The following SLC12A6 variants were observed in gnomAD, a reference collection of about 807,000 sequenced individuals.
The protein encoded by SLC12A6 is K-Cl cotransporter 3.
In SLC12A6, 66 loss-of-function variants were observed where a neutral mutation model predicts 135.3. The observed-to-expected ratio is 0.49, with a 90% confidence interval of 0.40 to 0.60. The LOEUF (loss-of-function observed/expected upper bound fraction) is 0.60. Among genes scored for constraint, SLC12A6 ranks in the 20% least tolerant of loss-of-function variants. The probability of loss-of-function intolerance (pLI) is 0.00; values close to 1 mark genes in which losing one functional copy is unlikely to be tolerated. For synonymous variants in SLC12A6, 513 were observed against 508.8 expected (o/e 1.01, Z -0.11); for missense variants, 1,058 against 1,452.3 (o/e 0.73, Z 4.41).
At chr15:34,298,395 A>C (rs2141000953) in intron 2 of SLC12A6, among the ~76,000 whole-genome samples, 1 of 152,048 alleles carries the variant, frequency 6.6e-6, no homozygotes, top group South Asian at 2.1e-4. Context: ...GAACTGCTTG[A>C]ACCCGGGAGG....
At chr15:34,297,181 G>C (rs183247046) in intron 2 of SLC12A6, among the ~76,000 whole-genome samples, 1 of 152,144 alleles carries the variant, frequency 6.6e-6, no homozygotes, top group African/African-American at 2.4e-5. Flanking sequence ...GGCTTAGTCA[G>C]AGCCTAAGCT....
intron 2 of SLC12A6, among the ~76,000 whole-genome samples, chr15:34,310,199 G>GTATGTA (rs1888063377): frequency 6.7e-6 from 1 of 149,380 alleles, no homozygotes; most frequent in Non-Finnish European, 1.5e-5. Context: ...GTGTGTGTGT[G>GTATGTA]TGTGTGTGTC....
intron 2 of SLC12A6, among the ~76,000 whole-genome samples, chr15:34,286,512 T>C (rs1895089555): frequency 6.6e-6 from 1 of 151,586 alleles, no homozygotes. Context: ...AAAATTTCCC[T>C]GCCCGGGCAC....
At chr15:34,317,017 G>A (rs1888697904) in intron 2 of SLC12A6, among the ~76,000 whole-genome samples, 2 of 152,154 alleles carry the variant, frequency 1.3e-5, no homozygotes, top group African/African-American at 2.4e-5. Context: ...ATCACATTTG[G>A]GATTAAGTAA....
intron 2 of SLC12A6, among the ~76,000 whole-genome samples, chr15:34,276,418 G>T (rs982018644): frequency 6.6e-6 from 1 of 152,058 alleles, no homozygotes; most frequent in African/African-American, 2.4e-5. Flanking sequence ...TAAAATTCGT[G>T]GCAATAAGCC....
At chr15:34,241,692 C>A (rs1241516056) in intron 17 of SLC12A6, among the ~76,000 whole-genome samples, 1 of 152,144 alleles carries the variant, frequency 6.6e-6, no homozygotes, top group Non-Finnish European at 1.5e-5. Flanking sequence ...AAGTAAAGTT[C>A]AATGTGATCT....
intron 2 of SLC12A6, among the ~76,000 whole-genome samples, chr15:34,307,727 A>AT (rs1174019670): frequency 1.3e-5 from 2 of 152,036 alleles, no homozygotes; most frequent in East Asian, 1.9e-4. Flanking sequence ...GGTATATGTA[A>AT]TTTTTTTTAC....
intron 2 of SLC12A6, among the ~76,000 whole-genome samples, chr15:34,301,465 C>T (rs114883144): frequency 0.027 from 4,153 of 152,144 alleles, 192 homozygotes; most frequent in African/African-American, 0.095. Flanking sequence ...GAGAAGGAAA[C>T]AGAGGGAAAA....
Position 34,245,887 on chromosome 15 carries a change from G to GGGAAATTTAATCT in SLC12A6, c.1650-33_1650-21dup. The stretch of plus-strand genomic sequence containing the variant: ...CCGAACCTGGGAAAGAAATAGGAGT[G>GGGAAATTTAATCT]GGAAATTTAATCTGGAAATAACTTT... On this transcript the variant is annotated intron_variant, in intron 13 of 25. Coordinates refer to ENST00000354181, the MANE Select transcript of SLC12A6 (RefSeq NM_001365088.1). 1 of 1,595,804 alleles carries GGGAAATTTAATCT rather than the reference G, an allele frequency of 6.3e-7. No individual in the cohort carries two copies. The highest frequency in any genetic ancestry group is 2.2e-5 in the East Asian group (1 of 44,802).
intron 2 of SLC12A6, among the ~76,000 whole-genome samples, chr15:34,309,187 T>C (rs1887975605): frequency 1.3e-5 from 2 of 152,190 alleles, no homozygotes; most frequent in South Asian, 2.1e-4. Context: ...GTAAAATTGT[T>C]TCCTCTTTCA....
At chr15:34,317,941 TCA>T (rs1888767755) in intron 2 of SLC12A6, among the ~76,000 whole-genome samples, 1 of 152,312 alleles carries the variant, frequency 6.6e-6, no homozygotes, top group South Asian at 2.1e-4. Context: ...ATAGGGATAA[TCA>T]CATTCATCAA....
intron 2 of SLC12A6, among the ~76,000 whole-genome samples, chr15:34,324,224 G>A (rs1889313569): frequency 6.6e-6 from 1 of 152,012 alleles, no homozygotes; most frequent in Non-Finnish European, 1.5e-5. Context: ...GCAGTACATG[G>A]CATACGATGA....
chr15:34,321,214 T>C (rs577705589), intron 2 of SLC12A6, among the ~76,000 whole-genome samples: 1 of 152,216 alleles, frequency 6.6e-6, no homozygotes, highest in Non-Finnish European at 1.5e-5. Flanking sequence ...CTAAATTTTA[T>C]TTCATTGGTT....
chr15:34,237,422 C>T lies in SLC12A6; in HGVS notation c.2931G>A (p.Glu977=). 1 of 1,612,004 alleles carries T rather than the reference C, an allele frequency of 6.2e-7. No homozygotes were observed. The highest frequency in any genetic ancestry group is 2.2e-5 in the East Asian group (1 of 44,776). Residue 977 remains glutamate, a synonymous_variant, in exon 22 of 26, where the codon GAG becomes GAA. Coordinates refer to ENST00000354181, the MANE Select transcript of SLC12A6 (RefSeq NM_001365088.1). ...LRIEAEVEVV[E]MHDSDISAYT... ...ATCTCAAACTCAGCTTTCTCACCAT[C>T]TCCACCACTTCTACCTCCGCCTCAA...
intron 2 of SLC12A6, among the ~76,000 whole-genome samples, chr15:34,277,727 C>T (rs1202390551): frequency 6.6e-6 from 1 of 152,186 alleles, no homozygotes; most frequent in Non-Finnish European, 1.5e-5. Context: ...CTCTTTAAAT[C>T]ATACCAACAC....
chr15:34,234,359 T>C (rs1266161358), intron 25 of SLC12A6, among the ~76,000 whole-genome samples: 1 of 152,184 alleles, frequency 6.6e-6, no homozygotes, highest in Non-Finnish European at 1.5e-5. Context: ...CTTTTTCTTT[T>C]TAAACCTTTT....
rs906320776 is a variant in SLC12A6, at chr15:34,336,695, G to T, written c.-15C>A. 1 of 1,613,272 alleles carries T rather than the reference G, an allele frequency of 6.2e-7. No individual in the cohort carries two copies. Among genetic ancestry groups the T allele is most frequent in the Non-Finnish European group, 8.5e-7 (1 of 1,179,332 alleles). On this transcript the variant is annotated 5_prime_UTR_variant, in exon 2 of 26. Transcript: ENST00000354181. ...GGAGGATGCATTTTGTTCTTTTTAA[G>T]AACAAAAAAAGTGGGGGGAACCTCG...
intron 2 of SLC12A6, among the ~76,000 whole-genome samples, chr15:34,334,951 T>C (rs7163195): frequency 0.16 from 24,299 of 152,178 alleles, 2,080 homozygotes; most frequent in East Asian, 0.33. Flanking sequence ...AATACAATTC[T>C]GTAACATGTA....
intron 2 of SLC12A6, among the ~76,000 whole-genome samples, chr15:34,323,940 C>CAAAAAAAAAA (rs144461318): frequency 2.3e-5 from 3 of 130,952 alleles, no homozygotes; most frequent in Non-Finnish European, 3.2e-5. Flanking sequence ...GATCTTGTCT[C>CAAAAAAAAAA]AAAAAAAAAA....
Sources: gnomAD v4.1 joint callset for allele counts (sites outside exome capture counted in the v4.1 genomes callset) on GRCh38, gnomAD v4.1.1 for gene constraint, MANE v1.5 for transcripts, NCBI Gene and HGNC (gene_info 2026-07-23, HGNC 2026-07-21) for gene names.